SCHIP1: variants seen among roughly 807,000 people sequenced by gnomAD.
The protein encoded by SCHIP1 is schwannomin interacting protein 1, also known as schwannomin-interacting protein 1.
A neutral mutation model predicts 29.7 loss-of-function variants in SCHIP1; 8 were observed. The observed-to-expected ratio is 0.27, with a 90% CI of 0.16 to 0.49. SCHIP1 has a LOEUF of 0.49. SCHIP1 is among the 20% of genes least tolerant of loss of function. The pLI is 0.99. For missense variants in SCHIP1, 193 were observed against 294.6 expected, an observed-to-expected ratio of 0.66 and a Z score of 2.52; for synonymous variants, 76 against 94.9, an observed-to-expected ratio of 0.80 and a Z score of 1.16.
chr3:159,822,011 C>T, the SCHIP1 span, among the ~76,000 whole-genome samples: 6 of 152,180 alleles, frequency 3.9e-5, no homozygotes, highest in Admixed American at 6.5e-5. Flanking sequence ...GATTTCATCA[C>T]GCTATTTAGA....
At chr3:159,430,502 T>C in the SCHIP1 span, among the ~76,000 whole-genome samples, 5 of 152,174 alleles carry the variant, frequency 3.3e-5, no homozygotes, top group Non-Finnish European at 5.9e-5. Flanking sequence ...TTCCCAGAAC[T>C]TTTTTGTGCA....
chr3:159,846,984 T>C (rs1002408795), intron 1 of SCHIP1, among the ~76,000 whole-genome samples: 4 of 152,174 alleles, frequency 2.6e-5, no homozygotes, highest in Admixed American at 6.5e-5. Flanking sequence ...CAGGGCTTCA[T>C]TGTGGGCCTG....
At chr3:159,372,488 G>A in the SCHIP1 span, among the ~76,000 whole-genome samples, 6 of 151,960 alleles carry the variant, frequency 3.9e-5, no homozygotes, top group Non-Finnish European at 8.8e-5. Flanking sequence ...AAATATTTTA[G>A]AATATTTTTT....
the SCHIP1 span, among the ~76,000 whole-genome samples, chr3:159,512,102 T>G: frequency 1.4e-4 from 21 of 151,370 alleles, no homozygotes; most frequent in Non-Finnish European, 2.4e-4. Context: ...TAAAAAGAAC[T>G]CTTACAAATC....
intron 1 of SCHIP1, among the ~76,000 whole-genome samples, chr3:159,865,380 G>A (rs113741956): frequency 4.6e-5 from 7 of 152,252 alleles, no homozygotes; most frequent in African/African-American, 1.2e-4. Context: ...TTTATGGGGC[G>A]TTTAATGAGA....
At chr3:159,720,831 C>T in the SCHIP1 span, among the ~76,000 whole-genome samples, 6 of 152,148 alleles carry the variant, frequency 3.9e-5, no homozygotes, top group Admixed American at 6.6e-5. Context: ...GTGATCTGCC[C>T]GCCTCTGCCT....
chr3:159,364,878 C>T, the SCHIP1 span, among the ~76,000 whole-genome samples: 1 of 152,178 alleles, frequency 6.6e-6, no homozygotes, highest in Non-Finnish European at 1.5e-5. Flanking sequence ...CAGATACTTT[C>T]ATAGCTAATG....
chr3:159,844,172 C>A (rs1372262284), intron 1 of SCHIP1, among the ~76,000 whole-genome samples: 1 of 152,200 alleles, frequency 6.6e-6, no homozygotes, highest in Non-Finnish European at 1.5e-5. Flanking sequence ...CCCAGGGAAA[C>A]TGTGTCTCAC....
chr3:159,605,561 T>G, the SCHIP1 span, among the ~76,000 whole-genome samples: 31,165 of 152,056 alleles, frequency 0.2, 8,696 homozygotes, highest in African/African-American at 0.63. Context: ...GCAGTGGCAG[T>G]TCTAAAAAAC....
the SCHIP1 span, among the ~76,000 whole-genome samples, chr3:159,590,142 C>A: frequency 6.6e-6 from 1 of 152,034 alleles, no homozygotes; most frequent in African/African-American, 2.4e-5. Flanking sequence ...AGAGGGTGGG[C>A]AGATACATGA....
At chr3:159,859,215 C>T (rs1450817734) in intron 1 of SCHIP1, among the ~76,000 whole-genome samples, 1 of 152,166 alleles carries the variant, frequency 6.6e-6, no homozygotes, top group Non-Finnish European at 1.5e-5. Context: ...TTCTAGAATG[C>T]TGTTTTTATA....
exon 5 of SCHIP1, chr3:159,888,925 C>T: frequency 6.2e-7 from 1 of 1,613,994 alleles, no homozygotes; most frequent in Admixed American, 1.7e-5. Context: ...AGTCAATGAT[C>T]TCCATTCCCA....
the SCHIP1 span, among the ~76,000 whole-genome samples, chr3:159,605,448 G>T: frequency 1.3e-5 from 2 of 152,172 alleles, no homozygotes; most frequent in South Asian, 4.1e-4. Context: ...GAATTGGAAA[G>T]AAATGTAGAG....
chr3:159,653,301 C>T, the SCHIP1 span, among the ~76,000 whole-genome samples: 3 of 152,110 alleles, frequency 2.0e-5, no homozygotes, highest in East Asian at 1.9e-4. Context: ...ATGTTTATTG[C>T]AGCACTATTT....
chr3:159,349,347 T>C, the SCHIP1 span, among the ~76,000 whole-genome samples: 1 of 152,220 alleles, frequency 6.6e-6, no homozygotes, highest in Non-Finnish European at 1.5e-5. Context: ...GCTAACTCTT[T>C]ATACATTAAA....
chr3:159,289,425 ATT>A, the SCHIP1 span, among the ~76,000 whole-genome samples: 1 of 151,222 alleles, frequency 6.6e-6, no homozygotes, highest in Non-Finnish European at 1.5e-5. Context: ...TTATTTATTT[ATT>A]TATTTATTGC....
At chr3:159,611,887 C>T in the SCHIP1 span, among the ~76,000 whole-genome samples, 3 of 152,068 alleles carry the variant, frequency 2.0e-5, no homozygotes, top group Non-Finnish European at 4.4e-5. Context: ...CTCCTCTCCT[C>T]GGTGTCTTTC....
At chr3:159,378,371 T>G in the SCHIP1 span, among the ~76,000 whole-genome samples, 1 of 152,228 alleles carries the variant, frequency 6.6e-6, no homozygotes, top group Non-Finnish European at 1.5e-5. Context: ...GGTGTGTTGT[T>G]GATTTTTAAA....
At chr3:159,735,151 C>T in the SCHIP1 span, among the ~76,000 whole-genome samples, 14 of 151,692 alleles carry the variant, frequency 9.2e-5, no homozygotes, top group Admixed American at 8.5e-4. Context: ...CAATAATAAG[C>T]TTAAAAAGCA....
Sources: allele counts gnomAD v4.1 joint callset (sites outside exome capture counted in the v4.1 genomes callset), GRCh38; gene constraint gnomAD v4.1.1; transcripts MANE v1.5; gene names NCBI Gene and HGNC (gene_info 2026-07-23, HGNC 2026-07-21).